Variants in ARHGEF10L observed in about 807,000 individuals in gnomAD.
The protein encoded by ARHGEF10L is rho guanine nucleotide exchange factor 10-like protein.
A neutral mutation model predicts 141.2 loss-of-function variants in ARHGEF10L; 69 were observed. That is an observed-to-expected ratio of 0.49 (90% confidence interval 0.40 to 0.60). The LOEUF (loss-of-function observed/expected upper bound fraction) is 0.60, where lower values mean the gene tolerates loss of function less well. ARHGEF10L is among the 20% of genes least tolerant of loss of function. The pLI, the probability that ARHGEF10L is intolerant of heterozygous loss-of-function variation, is 0.00. For synonymous variants in ARHGEF10L, 711 were observed against 718.5 expected, an observed-to-expected ratio of 0.99 and a Z score of 0.17; for missense variants, 1,482 against 1,734.3, an observed-to-expected ratio of 0.85 and a Z score of 2.58.
intron 1 of ARHGEF10L, among the ~76,000 whole-genome samples, chr1:17,577,204 C>T (rs2078259360): frequency 6.6e-6 from 1 of 152,110 alleles, no homozygotes; most frequent in African/African-American, 2.4e-5. Context: ...GCCACCACGG[C>T]TGGCTAATTT....
chr1:17,560,840 C>T (rs902397472), intron 1 of ARHGEF10L, among the ~76,000 whole-genome samples: 1 of 152,236 alleles, frequency 6.6e-6, no homozygotes, highest in African/African-American at 2.4e-5. Flanking sequence ...GCTGGGATTA[C>T]AGGTGTGAGC....
intron 4 of ARHGEF10L, among the ~76,000 whole-genome samples, chr1:17,598,508 T>C (rs143367174): frequency 7.4e-4 from 112 of 152,282 alleles, no homozygotes; most frequent in Non-Finnish European, 1.2e-3. Context: ...GATGACACCT[T>C]CTCACTGTGT....
At chr1:17,557,579 C>T (rs1319371654) in intron 1 of ARHGEF10L, among the ~76,000 whole-genome samples, 1 of 152,180 alleles carries the variant, frequency 6.6e-6, no homozygotes, top group African/African-American at 2.4e-5. Context: ...CTTAGAGATT[C>T]TGAAGCAGCA....
At chr1:17,646,252 G>C (rs536388529) in intron 21 of ARHGEF10L, among the ~76,000 whole-genome samples, 1 of 152,130 alleles carries the variant, frequency 6.6e-6, no homozygotes, top group Non-Finnish European at 1.5e-5. Flanking sequence ...CACCTCTCTC[G>C]GGCAGTGACG....
chr1:17,681,486 T>C (rs2064124278), intron 26 of ARHGEF10L, among the ~76,000 whole-genome samples: 1 of 152,206 alleles, frequency 6.6e-6, no homozygotes, highest in Admixed American at 6.5e-5. Context: ...TCTAGAATAA[T>C]CCCTTTGCTT....
intron 22 of ARHGEF10L, among the ~76,000 whole-genome samples, chr1:17,650,909 A>G (rs974009808): frequency 6.6e-6 from 1 of 152,116 alleles, no homozygotes; most frequent in African/African-American, 2.4e-5. Flanking sequence ...AATAATTAAG[A>G]TAAATACTAT....
chr1:17,659,091 G>A (rs769454711), intron 25 of ARHGEF10L, among the ~76,000 whole-genome samples: 2 of 152,212 alleles, frequency 1.3e-5, no homozygotes, highest in South Asian at 4.1e-4. Context: ...AGTGTGTCAG[G>A]GAGTAGAGAG....
At chr1:17,616,351 C>G in intron 9 of ARHGEF10L, 149 bp downstream of exon 9, 1 of 675,264 alleles carries the variant, frequency 1.5e-6, no homozygotes, top group Non-Finnish European at 2.6e-6. Context: ...GGGGCTGAGT[C>G]CCAAATATCC....
chr1:17,562,904 C>T (rs762046791), intron 1 of ARHGEF10L, among the ~76,000 whole-genome samples: 12 of 152,056 alleles, frequency 7.9e-5, no homozygotes, highest in Non-Finnish European at 1.8e-4. Context: ...ACGTGGGAGC[C>T]GGGGGTCTGG....
intron 9 of ARHGEF10L, chr1:17,618,642 C>A (rs1254340567): frequency 1.1e-5 from 8 of 714,458 alleles, no homozygotes; most frequent in African/African-American, 1.9e-5. Flanking sequence ...CCGCTGGAGT[C>A]AGAGCCATTC....
intron 19 of ARHGEF10L, 48 bp downstream of exon 19, chr1:17,638,051 C>G (rs1322173258): frequency 6.6e-7 from 1 of 1,507,890 alleles, no homozygotes; most frequent in East Asian, 2.5e-5. Flanking sequence ...CCAGTGTGGG[C>G]AGTGCCTGGA....
intron 1 of ARHGEF10L, among the ~76,000 whole-genome samples, chr1:17,550,659 A>AG (rs976199523): frequency 1.0e-4 from 15 of 149,520 alleles, no homozygotes; most frequent in Admixed American, 9.3e-4. Context: ...CGAAAAAAAA[A>AG]AAGCCAAAAA....
the ARHGEF10L span, among the ~76,000 whole-genome samples, chr1:17,523,913 T>C: frequency 6.6e-6 from 1 of 152,180 alleles, no homozygotes. Context: ...TGAAGAGAGA[T>C]AATTGCCCAA....
intron 2 of ARHGEF10L, among the ~76,000 whole-genome samples, chr1:17,582,215 T>C (rs946832662): frequency 5.9e-5 from 9 of 152,170 alleles, no homozygotes; most frequent in Non-Finnish European, 1.2e-4. Context: ...GGTCCCAGCA[T>C]GCCTGGCCTT....
chr1:17,597,650 G>C (rs908919913), intron 4 of ARHGEF10L, among the ~76,000 whole-genome samples: 14 of 152,214 alleles, frequency 9.2e-5, no homozygotes, highest in African/African-American at 3.4e-4. Context: ...TTTGCAGATA[G>C]ATCACCGGGG....
rs113313337 is a variant in ARHGEF10L, at chr1:17,659,382, T to C, written c.2860+2674T>C. On this transcript the variant is annotated intron_variant, in intron 25 of 28. Coordinates refer to ENST00000361221, the MANE Select transcript of ARHGEF10L (RefSeq NM_018125.4). ...TCAGGACCTGCTACATGGTATGTGG[T>C]GGGCAGGATTCACCCCCATCACCTT... 8.4e-3 allele frequency among the ~76,000 whole-genome samples: 1,283 copies of C among 152,282 alleles called. 20 individuals are homozygous for C. The highest frequency in any genetic ancestry group is 0.03 in the African/African-American group (1,243 of 41,548).
the ARHGEF10L span, among the ~76,000 whole-genome samples, chr1:17,531,509 C>T: frequency 6.6e-6 from 1 of 152,222 alleles, no homozygotes; most frequent in Non-Finnish European, 1.5e-5. Flanking sequence ...TTTCACTCTC[C>T]CACTGTGTGA....
At chr1:17,657,724 C>T (rs1019135224) in intron 25 of ARHGEF10L, among the ~76,000 whole-genome samples, 4 of 152,170 alleles carry the variant, frequency 2.6e-5, no homozygotes, top group African/African-American at 9.7e-5. Context: ...CCCTTCTCAC[C>T]GTCAGACAGA....
At chr1:17,681,383 A>G (rs1457855528) in intron 26 of ARHGEF10L, among the ~76,000 whole-genome samples, 2 of 152,212 alleles carry the variant, frequency 1.3e-5, no homozygotes, top group South Asian at 2.1e-4. Flanking sequence ...TCCCCAAAAT[A>G]TCTTTCAGAG....
Sources: allele counts gnomAD v4.1 joint callset (sites outside exome capture counted in the v4.1 genomes callset), GRCh38; gene constraint gnomAD v4.1.1; transcripts MANE v1.5; gene names NCBI Gene and HGNC (gene_info 2026-07-23, HGNC 2026-07-21).